Variants in DGKB observed in about 807,000 individuals in gnomAD.
The protein encoded by DGKB is diacylglycerol kinase beta.
DGKB carries 67 observed loss-of-function variants against 114.3 expected under a neutral mutation model. The observed-to-expected ratio is 0.59, with a 90% confidence interval of 0.48 to 0.72. The LOEUF is 0.72. DGKB is among the 30% of genes least tolerant of loss of function. DGKB has a pLI of 0.00. For synonymous variants in DGKB, 398 were observed against 323.1 expected (o/e 1.23, Z -2.49); for missense variants, 907 against 975.2 (o/e 0.93, Z 0.93).
intron 25 of DGKB, among the ~76,000 whole-genome samples, chr7:14,160,605 A>G (rs1421941529): frequency 6.6e-6 from 1 of 152,182 alleles, no homozygotes; most frequent in Non-Finnish European, 1.5e-5. Context: ...CCACTGCTCA[A>G]CTGCTCAAGG....
chr7:14,795,588 AG>A (rs1376509967), intron 2 of DGKB, among the ~76,000 whole-genome samples: 7 of 152,128 alleles, frequency 4.6e-5, no homozygotes, highest in Admixed American at 4.6e-4. Flanking sequence ...CAGACCTCAG[AG>A]TGGGAACTGT....
At chr7:14,950,662 T>G (rs1423035482) in intron 1 of DGKB, among the ~76,000 whole-genome samples, 2 of 151,970 alleles carry the variant, frequency 1.3e-5, no homozygotes, top group East Asian at 3.9e-4. Context: ...TCTTCACTGG[T>G]GGGTTCTACC....
chr7:14,537,560 T>C (rs978875661), intron 20 of DGKB, among the ~76,000 whole-genome samples: 17 of 152,266 alleles, frequency 1.1e-4, no homozygotes, highest in African/African-American at 4.1e-4. Flanking sequence ...CAATACATGG[T>C]GTTTGTAAAA....
rs71004348 is a variant in DGKB at position 14,962,636 on chromosome 7, T to TTGTGTGTGTG, written c.-188+12050_-188+12059dup. Among the ~76,000 whole-genome samples the TTGTGTGTGTG allele has an allele frequency of 5.7e-3, 803 of 142,014 alleles. 6 individuals are homozygous for TTGTGTGTGTG. Among genetic ancestry groups the TTGTGTGTGTG allele is most frequent in the African/African-American group, 0.017 (687 of 39,568 alleles). The allele number at this position is 142,014 out of a possible 152,430, so 93.2% of individuals were successfully genotyped here. A position where few individuals can be genotyped will look rare whatever the true frequency, so the allele number is the denominator to read the frequency against. On this transcript the variant is annotated intron_variant, in intron 1 of 4. Coordinates refer to the DGKB transcript ENST00000437998. ...GCTATAGCTGTGTGTGTGTGTGTGTTTGTGTGTGTGTGTGTGTGTGTGTGT... is the reference window on the plus strand; with the variant it reads ...GCTATAGCTGTGTGTGTGTGTGTGTTTGTGTGTGTGTGTGTGTGTGTGTGTGTGTGTGTGT...
intron 1 of DGKB, among the ~76,000 whole-genome samples, chr7:14,852,640 C>A (rs1849568231): frequency 6.6e-6 from 1 of 151,784 alleles, no homozygotes; most frequent in Non-Finnish European, 1.5e-5. Flanking sequence ...CAAATATGAG[C>A]CCAAACGAAG....
intron 21 of DGKB, among the ~76,000 whole-genome samples, chr7:14,419,351 T>C (rs17168158): frequency 0.019 from 2,898 of 152,066 alleles, 79 homozygotes; most frequent in African/African-American, 0.066. Context: ...GAAATACACA[T>C]GTAAAGATAC....
chr7:14,647,061 C>T (rs1005284644), intron 13 of DGKB, among the ~76,000 whole-genome samples: 3 of 151,464 alleles, frequency 2.0e-5, no homozygotes, highest in South Asian at 4.2e-4. Context: ...TAAACTAAAA[C>T]GACAATTAGA....
In DGKB at chr7:14,613,391, T is replaced by C. The variant is rs747154775; in HGVS notation, c.1307A>G (p.His436Arg). Residue 436 changes from histidine to arginine, a missense_variant, in exon 16 of 26, where the codon CAC becomes CGC. Coordinates refer to ENST00000402815, the MANE Select transcript of DGKB (RefSeq NM_001350709.2). ...GGGGTTCACAAAAACTAAAAGTGGG[T>C]GAGTACCAGGCACAGGAGTGACCTA... ...GLQVTPVPGT[H>R]PLLVFVNPKS... 1.6e-5 allele frequency: 25 copies of C among 1,568,204 alleles called. No individual in the cohort carries two copies. In the South Asian group the frequency reaches 2.8e-4, roughly 18 times the overall value.
At chr7:14,824,942 C>T (rs967310625) in intron 2 of DGKB, among the ~76,000 whole-genome samples, 1 of 146,298 alleles carries the variant, frequency 6.8e-6, no homozygotes, top group South Asian at 2.2e-4. Flanking sequence ...GCCAAACTAA[C>T]AAACTAATAT....
At chr7:14,343,911 T>TTA (rs1167880733) in intron 22 of DGKB, among the ~76,000 whole-genome samples, 1 of 147,796 alleles carries the variant, frequency 6.8e-6, no homozygotes, top group African/African-American at 2.5e-5. Context: ...ATATATGTAG[T>TTA]TATATATGTC....
At chr7:14,505,117 T>C (rs968687235) in intron 20 of DGKB, among the ~76,000 whole-genome samples, 8 of 152,162 alleles carry the variant, frequency 5.3e-5, no homozygotes, top group Admixed American at 2.6e-4. Flanking sequence ...TCATATCCTA[T>C]GCAGTTTGTG....
intron 23 of DGKB, among the ~76,000 whole-genome samples, chr7:14,309,220 GA>G (rs1349703199): frequency 6.6e-6 from 1 of 150,534 alleles, no homozygotes; most frequent in Non-Finnish European, 1.5e-5. Context: ...TGTCTCAAAA[GA>G]AAAAAAAAGT....
chr7:14,475,312 C>G (rs180835819), intron 21 of DGKB, among the ~76,000 whole-genome samples: 3 of 152,240 alleles, frequency 2.0e-5, no homozygotes, highest in Admixed American at 6.5e-5. Flanking sequence ...TCTGAACTAT[C>G]TGCCATTGTA....
intron 21 of DGKB, among the ~76,000 whole-genome samples, chr7:14,472,163 G>T (rs1410557969): frequency 6.6e-6 from 1 of 152,134 alleles, no homozygotes; most frequent in Non-Finnish European, 1.5e-5. Context: ...AGAAATCTTT[G>T]TAAGACCACC....
At chr7:14,606,433 G>C (rs1001759515) in intron 17 of DGKB, among the ~76,000 whole-genome samples, 5 of 152,034 alleles carry the variant, frequency 3.3e-5, no homozygotes, top group African/African-American at 1.2e-4. Context: ...TGAATATAAT[G>C]CTGAAAGACT....
intron 1 of DGKB, among the ~76,000 whole-genome samples, chr7:14,915,634 C>A (rs1191816902): frequency 6.6e-6 from 1 of 151,950 alleles, no homozygotes; most frequent in Non-Finnish European, 1.5e-5. Context: ...TAATCAGAAA[C>A]AATGCAAGCA....
intron 13 of DGKB, among the ~76,000 whole-genome samples, chr7:14,632,882 A>C (rs963069364): frequency 6.6e-6 from 1 of 151,916 alleles, no homozygotes; most frequent in African/African-American, 2.4e-5. Flanking sequence ...CAGGCATCGC[A>C]CTTTTCCAAA....
intron 25 of DGKB, among the ~76,000 whole-genome samples, chr7:14,168,868 G>A (rs1477583714): frequency 6.6e-6 from 1 of 152,158 alleles, no homozygotes; most frequent in Non-Finnish European, 1.5e-5. Flanking sequence ...TTCTAAGCTT[G>A]GCATTGAAGG....
rs151110582 is a variant in DGKB, at chr7:14,775,534, C to T, written c.71-17803G>A. On this transcript the variant is annotated intron_variant, in intron 2 of 25. Coordinates refer to ENST00000402815, the MANE Select transcript of DGKB (RefSeq NM_001350709.2). ...CCATAATCTCCACATGTTGTGGGAG[C>T]GACCTAGTGGGAGATAATTGAATCA... 2.1e-4 allele frequency among the ~76,000 whole-genome samples: 32 copies of T among 151,694 alleles called. No individual in the cohort carries two copies. In the East Asian group the frequency reaches 4.4e-3, roughly 21 times the overall value.
Sources: allele counts gnomAD v4.1 joint callset (sites outside exome capture counted in the v4.1 genomes callset), GRCh38; gene constraint gnomAD v4.1.1; transcripts MANE v1.5; gene names NCBI Gene and HGNC (gene_info 2026-07-23, HGNC 2026-07-21).